Variants in PROCR observed in about 807,000 individuals in gnomAD.
The protein encoded by PROCR is protein C receptor, also known as endothelial protein C receptor.
Under a neutral mutation model 24.2 loss-of-function variants are expected in PROCR, and 22 were observed. The ratio of observed to expected loss-of-function variants is 0.91; its 90% CI spans 0.65 to 1.30. The LOEUF (loss-of-function observed/expected upper bound fraction) is 1.30, where lower values mean the gene tolerates loss of function less well. Among genes scored for constraint, PROCR ranks in the 50% most tolerant of loss-of-function variants. PROCR has a pLI of 0.00. For synonymous variants in PROCR, 137 were observed against 139.2 expected (o/e 0.98, Z 0.11); for missense variants, 288 against 307.7 (o/e 0.94, Z 0.48).
intron 1 of PROCR, among the ~76,000 whole-genome samples, chr20:35,193,586 A>T (rs185187359): frequency 1.3e-5 from 2 of 152,370 alleles, no homozygotes; most frequent in East Asian, 3.8e-4. Flanking sequence ...TTATGCCTCA[A>T]TAAAGTTTAC....
chr20:35,181,120 G>C (rs1283347703), downstream of PROCR, among the ~76,000 whole-genome samples: 4 of 151,202 alleles, frequency 2.6e-5, no homozygotes, highest in East Asian at 7.9e-4. Flanking sequence ...TACCCGCCTT[G>C]GCCTCACAAA....
Position 35,177,125 on chromosome 20 carries a change from C to T in PROCR, c.*312C>T. The T allele has an allele frequency of 8.4e-7, 1 of 1,197,114 alleles. No homozygotes were observed. The highest frequency in any genetic ancestry group is 1.1e-6 in the Non-Finnish European group (1 of 949,488). The allele number at this position is 1,197,114 out of a possible 1,614,324, so 74.2% of individuals were successfully genotyped here. On this transcript the variant is annotated 3_prime_UTR_variant, in exon 4 of 4. Coordinates refer to ENST00000216968, the MANE Select transcript of PROCR (RefSeq NM_006404.5). ...GGCAGGAAGCCTATGGCCCATCCTC[C>T]AAAGACAGACAGAATCACCTGAGGC...
At chr20:35,176,016 C>G in intron 2 of PROCR, 152 bp from the exon 3 acceptor site, 2 of 867,370 alleles carry the variant, frequency 2.3e-6, no homozygotes, top group Non-Finnish European at 3.8e-6. Flanking sequence ...CTCACAGCCC[C>G]AGGCCCTTCT....
At chr20:35,205,518 G>A (rs1412756081) in intron 1 of PROCR, among the ~76,000 whole-genome samples, 3 of 149,784 alleles carry the variant, frequency 2.0e-5, no homozygotes, top group Admixed American at 1.3e-4. Flanking sequence ...TTGGGAGGCC[G>A]AGGCAGGCGG....
chr20:35,184,284 A>G (rs2086103568), intron 1 of PROCR, among the ~76,000 whole-genome samples: 1 of 152,236 alleles, frequency 6.6e-6, no homozygotes. Flanking sequence ...GACAAAGCAA[A>G]CAAAAACATA....
chr20:35,176,450 T>C lies in PROCR; in HGVS notation c.601+4T>C, dbSNP rs1462797784. 1.9e-6 allele frequency: 3 copies of C among 1,613,332 alleles called. No homozygotes were observed. In the African/African-American group the frequency reaches 4.0e-5, roughly 22 times the overall value. ...ATTTCCGCGGAAAACACGAAAGGTA[T>C]GATGGGACGGGGCCCAGGCCTGCAA... On this transcript the variant is annotated splice_donor_region_variant and intron_variant, in intron 3 of 3. Coordinates refer to ENST00000216968, the MANE Select transcript of PROCR (RefSeq NM_006404.5).
At chr20:35,181,755 C>A (rs977140577), downstream of PROCR, among the ~76,000 whole-genome samples, 2 of 152,184 alleles carry the variant, frequency 1.3e-5, no homozygotes, top group African/African-American at 4.8e-5. Context: ...AATCCTTACT[C>A]CAGAGGTATG....
intron 1 of PROCR, among the ~76,000 whole-genome samples, chr20:35,212,155 C>G (rs1174254206): frequency 6.6e-6 from 1 of 152,162 alleles, no homozygotes; most frequent in Non-Finnish European, 1.5e-5. Context: ...TTTGGGAAAA[C>G]TTCCCAAAGG....
intron 1 of PROCR, among the ~76,000 whole-genome samples, chr20:35,204,134 G>T (rs1376585216): frequency 1.3e-5 from 2 of 152,038 alleles, no homozygotes; most frequent in African/African-American, 4.8e-5. Context: ...GATAATAAGA[G>T]AATATTACAA....
chr20:35,177,023 G>A lies in PROCR; in HGVS notation c.*210G>A. ...AGTACTTGGTTTGCTAAGAACCTAAGAACGTGTATGCTTTGCTGAATTAGT... is the reference window on the plus strand; with the variant it reads ...AGTACTTGGTTTGCTAAGAACCTAAAAACGTGTATGCTTTGCTGAATTAGT... On this transcript the variant is annotated 3_prime_UTR_variant, in exon 4 of 4. Transcript: ENST00000216968. The A allele has an allele frequency of 2.9e-6, 4 of 1,391,188 alleles. No individual in the cohort carries two copies. Among genetic ancestry groups the A allele is most frequent in the Non-Finnish European group, 3.7e-6 (4 of 1,070,386 alleles). The allele number at this position is 1,391,188 out of a possible 1,614,324, so 86.2% of individuals were successfully genotyped here. A position where few individuals can be genotyped will look rare whatever the true frequency, so the allele number is the denominator to read the frequency against.
At chr20:35,187,259 G>C (rs994041641) in intron 1 of PROCR, among the ~76,000 whole-genome samples, 8 of 152,010 alleles carry the variant, frequency 5.3e-5, no homozygotes, top group African/African-American at 1.9e-4. Flanking sequence ...TAGAGTCAGG[G>C]TTTCACCATG....
chr20:35,184,026 C>T (rs2086101844), intron 1 of PROCR, among the ~76,000 whole-genome samples: 2 of 152,162 alleles, frequency 1.3e-5, no homozygotes, highest in Admixed American at 1.3e-4. Context: ...ATACCACCAT[C>T]ATTCTTCACA....
chr20:35,173,253 CTGTG>C (rs2085967667), intron 1 of PROCR, among the ~76,000 whole-genome samples: 3 of 151,952 alleles, frequency 2.0e-5, no homozygotes, highest in African/African-American at 7.2e-5. Flanking sequence ...CCAGTGTGGC[CTGTG>C]TGTGTTTGGA....
At chr20:35,214,310 CT>C (rs372789018) in intron 1 of PROCR, among the ~76,000 whole-genome samples, 2 of 151,826 alleles carry the variant, frequency 1.3e-5, no homozygotes, top group African/African-American at 2.4e-5. Context: ...GCACCTTTGC[CT>C]TTTTTTTACC....
At chr20:35,187,886 C>G (rs2086141844) in intron 1 of PROCR, among the ~76,000 whole-genome samples, 1 of 152,104 alleles carries the variant, frequency 6.6e-6, no homozygotes, top group Non-Finnish European at 1.5e-5. Context: ...TGTAAAGGTC[C>G]TAGAAGTTCC....
At chr20:35,181,337 C>T (rs1416317899), downstream of PROCR, among the ~76,000 whole-genome samples, 1 of 151,172 alleles carries the variant, frequency 6.6e-6, no homozygotes, top group Non-Finnish European at 1.5e-5. Context: ...TAAAGTGGTG[C>T]GATCTCTGCT....
upstream of PROCR, chr20:35,171,950 C>T (rs1377204768): frequency 8.0e-6 from 5 of 628,414 alleles, no homozygotes; most frequent in African/African-American, 1.8e-5. Context: ...GGAGGGAGGC[C>T]GGCCCCCTAG....
chr20:35,194,195 A>G (rs1470028463), intron 1 of PROCR, among the ~76,000 whole-genome samples: 1 of 152,204 alleles, frequency 6.6e-6, no homozygotes, highest in African/African-American at 2.4e-5. Context: ...AATGAGCTCA[A>G]GAAACAAACT....
chr20:35,174,976 C>T (rs771395821), intron 2 of PROCR, 23 bp downstream of exon 2: 4 of 123,658 alleles, frequency 3.2e-5, no homozygotes, highest in Non-Finnish European at 3.8e-5. Context: ...GCAGCGGGGG[C>T]GGGGTCTGGG....
Sources: gnomAD v4.1 joint callset for allele counts (sites outside exome capture counted in the v4.1 genomes callset) on GRCh38, gnomAD v4.1.1 for gene constraint, MANE v1.5 for transcripts, NCBI Gene and HGNC (gene_info 2026-07-23, HGNC 2026-07-21) for gene names.